The following ATP2C2 variants were observed in gnomAD, a reference collection of about 807,000 sequenced individuals.
ATP2C2 encodes ATPase secretory pathway Ca2+ transporting 2, also known as calcium-transporting ATPase type 2C member 2.
Under a neutral mutation model 110.8 loss-of-function variants are expected in ATP2C2, and 171 were observed. The observed-to-expected ratio is 1.54, with a 90% CI of 1.36 to 1.75. The LOEUF is 1.75. Ranked by LOEUF, ATP2C2 falls within the 40% of genes most tolerant of loss-of-function variation. The probability of loss-of-function intolerance (pLI) is 0.00; values close to 1 mark genes in which losing one functional copy is unlikely to be tolerated. For synonymous variants in ATP2C2, 804 were observed against 508.4 expected, an observed-to-expected ratio of 1.58 and a Z score of -7.82; for missense variants, 1,963 against 1,235.0, an observed-to-expected ratio of 1.59 and a Z score of -8.84.
chr16:84,445,179 T>A (rs1169663530), intron 15 of ATP2C2, among the ~76,000 whole-genome samples: 1 of 150,852 alleles, frequency 6.6e-6, no homozygotes, highest in African/African-American at 2.4e-5. Context: ...CACGAGGTGC[T>A]CCCCGCCACG....
intron 1 of ATP2C2, among the ~76,000 whole-genome samples, chr16:84,394,418 C>T (rs1042500439): frequency 1.7e-4 from 26 of 152,122 alleles, no homozygotes; most frequent in Admixed American, 1.6e-3. Context: ...CTGTCCCGGG[C>T]CTTTCCTATG....
At chr16:84,453,932 C>T (rs559514711) in intron 20 of ATP2C2, among the ~76,000 whole-genome samples, 4 of 152,124 alleles carry the variant, frequency 2.6e-5, no homozygotes, top group African/African-American at 9.6e-5. Context: ...CCTCTGCCTC[C>T]CAGGGTTAAG....
chr16:84,394,586 G>C (rs1464363744), intron 1 of ATP2C2, among the ~76,000 whole-genome samples: 1 of 152,120 alleles, frequency 6.6e-6, no homozygotes, highest in Non-Finnish European at 1.5e-5. Context: ...TTGTCTCACA[G>C]TTCTAGAAGC....
intron 10 of ATP2C2, among the ~76,000 whole-genome samples, chr16:84,425,498 G>A (rs1299154484): frequency 6.6e-6 from 1 of 152,132 alleles, no homozygotes; most frequent in Non-Finnish European, 1.5e-5. Context: ...TAGACTGATT[G>A]AGCCTTTTAC....
At chr16:84,410,361 C>G (rs1223432603) in intron 4 of ATP2C2, among the ~76,000 whole-genome samples, 1 of 152,012 alleles carries the variant, frequency 6.6e-6, no homozygotes, top group South Asian at 2.1e-4. Context: ...GATGGGTACT[C>G]TGAAATGTGC....
intron 23 of ATP2C2, chr16:84,459,769 C>T (rs1053621079): frequency 3.4e-6 from 2 of 584,510 alleles, no homozygotes; most frequent in Non-Finnish European, 6.0e-6. Flanking sequence ...AAGATACACA[C>T]AGACACACTT....
chr16:84,459,586 G>C (rs1317099375), intron 23 of ATP2C2, 200 bp downstream of exon 23: 5 of 1,535,850 alleles, frequency 3.3e-6, no homozygotes, highest in Non-Finnish European at 2.6e-6. Flanking sequence ...TGGGCCGGCA[G>C]AGCTGGGTGA....
intron 16 of ATP2C2, 131 bp from the exon 17 acceptor site, chr16:84,448,395 CAGCACCA>C (rs1156869295): frequency 1.8e-6 from 2 of 1,104,556 alleles, no homozygotes; most frequent in Middle Eastern, 2.9e-4. Flanking sequence ...CACCTGTGAA[CAGCACCA>C]GCCTATGATA....
rs752437549 is a variant in ATP2C2 at position 84,439,443 on chromosome 16, C to G, written c.1128C>G (p.Leu376=). Residue 376 remains leucine, a synonymous_variant, in exon 13 of 27, where the codon CTC becomes CTG. Coordinates refer to ENST00000262429, the MANE Select transcript of ATP2C2 (RefSeq NM_014861.4). Reference sequence around the variant, plus strand: ...TTGTACCAGGTTGCTGCAGCGTTCTCTGTTCTGACAAGACGGGGACTCTGA... The same window carrying G: ...TTGTACCAGGTTGCTGCAGCGTTCTGTGTTCTGACAAGACGGGGACTCTGA... The part of the protein sequence containing the change: ...IVETLGCCSV[L]CSDKTGTLTA... The G allele has an allele frequency of 7.4e-6, 12 of 1,614,072 alleles. No individual in the cohort carries two copies. Among genetic ancestry groups the G allele is most frequent in the South Asian group, 1.1e-5 (1 of 91,086 alleles).
At chr16:84,448,157 G>A (rs1456252904) in intron 16 of ATP2C2, among the ~76,000 whole-genome samples, 2 of 152,088 alleles carry the variant, frequency 1.3e-5, no homozygotes, top group African/African-American at 4.8e-5. Flanking sequence ...GCTGCCCTAG[G>A]GAGGCAACAG....
intron 1 of ATP2C2, among the ~76,000 whole-genome samples, chr16:84,369,597 A>T (rs1391454260): frequency 2.0e-5 from 3 of 151,952 alleles, no homozygotes; most frequent in Non-Finnish European, 4.4e-5. Context: ...TGACTTGGCG[A>T]TGGCCTTTTG....
chr16:84,405,395 C>G (rs1905673939), intron 3 of ATP2C2, 151 bp downstream of exon 3: 5 of 671,190 alleles, frequency 7.4e-6, no homozygotes, highest in African/African-American at 3.6e-5. Context: ...CAGTCATGAG[C>G]AAATCACCAA....
Position 84,451,963 on chromosome 16 carries a change from T to C in ATP2C2, c.1703T>C (p.Phe568Ser), listed in dbSNP as rs539185064. The change falls in exon 18 of 27, where the codon TTT becomes TCT. Residue 568 changes from phenylalanine to serine, a missense_variant. Coordinates refer to ENST00000262429, the MANE Select transcript of ATP2C2 (RefSeq NM_014861.4). ...GGGCCCGAGCTGGGGCGGCTGACGT[T>C]TCTCGGTCTTGTGGGCATCATTGAC... ...ASGPELGRLT[F>S]LGLVGIIDPP... 3.1e-6 allele frequency: 5 copies of C among 1,613,878 alleles called. No individual in the cohort carries two copies. In the Admixed American group the frequency reaches 8.3e-5, roughly 27 times the overall value.
intron 11 of ATP2C2, among the ~76,000 whole-genome samples, chr16:84,435,051 T>C (rs1908616729): frequency 6.6e-6 from 1 of 152,236 alleles, no homozygotes; most frequent in Non-Finnish European, 1.5e-5. Context: ...TTGGTTTATA[T>C]AACTTGTCCA....
chr16:84,459,843 TTG>T, intron 23 of ATP2C2: 2 of 417,650 alleles, frequency 4.8e-6, no homozygotes, highest in Non-Finnish European at 8.9e-6. Context: ...GAGGCGGAGT[TTG>T]TGTTTCATCC....
intron 17 of ATP2C2, among the ~76,000 whole-genome samples, chr16:84,450,927 C>A (rs1262887911): frequency 1.3e-5 from 2 of 152,162 alleles, no homozygotes; most frequent in African/African-American, 2.4e-5. Flanking sequence ...CCTGCTCCAC[C>A]TCACATGTCC....
At chr16:84,415,382 A>G in intron 6 of ATP2C2, 101 bp from the exon 7 acceptor site, 3 of 990,424 alleles carry the variant, frequency 3.0e-6, no homozygotes, top group Non-Finnish European at 4.8e-6. Flanking sequence ...TGTATATTAA[A>G]AGAGAAAAGT....
intron 7 of ATP2C2, among the ~76,000 whole-genome samples, chr16:84,416,570 A>G (rs1906853020): frequency 6.6e-6 from 1 of 152,078 alleles, no homozygotes; most frequent in Non-Finnish European, 1.5e-5. Flanking sequence ...CCTGTCTGTG[A>G]AATAGGAGGC....
intron 1 of ATP2C2, among the ~76,000 whole-genome samples, chr16:84,386,403 C>T (rs1263930569): frequency 6.6e-6 from 1 of 152,240 alleles, no homozygotes; most frequent in Non-Finnish European, 1.5e-5. Flanking sequence ...AGTAAGAACA[C>T]TGGCTACCAT....
Sources: allele counts gnomAD v4.1 joint callset (sites outside exome capture counted in the v4.1 genomes callset), GRCh38; gene constraint gnomAD v4.1.1; transcripts MANE v1.5; gene names NCBI Gene and HGNC (gene_info 2026-07-23, HGNC 2026-07-21).